Variants in SYTL3 observed in about 807,000 individuals in gnomAD.
The protein encoded by SYTL3 is synaptotagmin-like protein 3.
In SYTL3, 88 loss-of-function variants were observed where a neutral mutation model predicts 82.1. The observed-to-expected ratio is 1.07, with a 90% confidence interval of 0.90 to 1.28. The LOEUF is 1.28. Among genes scored for constraint, SYTL3 ranks in the 50% most tolerant of loss-of-function variants. The probability of loss-of-function intolerance (pLI) is 0.00; values close to 1 mark genes in which losing one functional copy is unlikely to be tolerated. For missense variants in SYTL3, 831 were observed against 757.6 expected (o/e 1.10, Z -1.14); for synonymous variants, 311 against 289.4 (o/e 1.07, Z -0.76).
chr6:158,740,411 T>A (rs567258385), intron 11 of SYTL3, among the ~76,000 whole-genome samples: 2 of 152,350 alleles, frequency 1.3e-5, no homozygotes, highest in Non-Finnish European at 2.9e-5. Context: ...TTTTCATATA[T>A]TTTCTTGACC....
chr6:158,675,791 C>T (rs1432665388), intron 5 of SYTL3, among the ~76,000 whole-genome samples: 2 of 152,092 alleles, frequency 1.3e-5, no homozygotes, highest in Admixed American at 1.3e-4. Flanking sequence ...ACTAAAAATA[C>T]AAAAATAAAT....
chr6:158,679,797 A>G (rs1055836815), intron 5 of SYTL3, among the ~76,000 whole-genome samples: 1 of 152,136 alleles, frequency 6.6e-6, no homozygotes, highest in East Asian at 1.9e-4. Context: ...ATGATTTGCA[A>G]TGTTCATTCA....
At chr6:158,746,628 G>A (rs1321173170) in intron 12 of SYTL3, among the ~76,000 whole-genome samples, 3 of 151,644 alleles carry the variant, frequency 2.0e-5, no homozygotes, top group Non-Finnish European at 2.9e-5. Context: ...ACCACGCCCA[G>A]CTAATTTTTG....
intron 14 of SYTL3, among the ~76,000 whole-genome samples, 158 bp from the exon 15 acceptor site, chr6:158,760,482 A>G (rs962854708): frequency 7.2e-5 from 11 of 152,042 alleles, no homozygotes; most frequent in African/African-American, 2.7e-4. Flanking sequence ...CCATAGATGG[A>G]AGGAAGACCA....
chr6:158,717,103 G>A (rs967650869), intron 9 of SYTL3, among the ~76,000 whole-genome samples: 1 of 152,074 alleles, frequency 6.6e-6, no homozygotes, highest in Non-Finnish European at 1.5e-5. Context: ...CCAACATGGT[G>A]AAACCATGGC....
intron 5 of SYTL3, among the ~76,000 whole-genome samples, chr6:158,667,002 T>C (rs1373950388): frequency 6.6e-6 from 1 of 152,230 alleles, no homozygotes; most frequent in East Asian, 1.9e-4. Context: ...AAAAAATAAT[T>C]ACTGTGAGCT....
intron 5 of SYTL3, among the ~76,000 whole-genome samples, chr6:158,669,549 A>G (rs1777130570): frequency 6.6e-6 from 1 of 152,246 alleles, no homozygotes; most frequent in South Asian, 2.1e-4. Context: ...CATCATTAGA[A>G]CAGAAGGTTT....
intron 6 of SYTL3, among the ~76,000 whole-genome samples, chr6:158,702,861 T>G (rs1191999989): frequency 6.6e-6 from 1 of 151,828 alleles, no homozygotes; most frequent in African/African-American, 2.4e-5. Flanking sequence ...GCTTTTCATT[T>G]ATAAAATTGG....
chr6:158,757,894 A>T (rs1789354972), intron 14 of SYTL3, among the ~76,000 whole-genome samples: 1 of 152,200 alleles, frequency 6.6e-6, no homozygotes, highest in Non-Finnish European at 1.5e-5. Flanking sequence ...GTGGGGCTCC[A>T]GCTCCTGGTT....
chr6:158,761,498 C>A (rs1236628163), intron 15 of SYTL3, among the ~76,000 whole-genome samples: 1 of 151,754 alleles, frequency 6.6e-6, no homozygotes, highest in East Asian at 1.9e-4. Flanking sequence ...TAAGTAGAGA[C>A]AGGGTTTCAC....
chr6:158,749,685 A>T (rs895979411), intron 12 of SYTL3, among the ~76,000 whole-genome samples: 1 of 151,888 alleles, frequency 6.6e-6, no homozygotes, highest in Non-Finnish European at 1.5e-5. Flanking sequence ...ATGAGGTCCC[A>T]CTATGTTGCC....
chr6:158,703,982 C>T (rs923700487), intron 6 of SYTL3, among the ~76,000 whole-genome samples: 16 of 151,688 alleles, frequency 1.1e-4, no homozygotes, highest in South Asian at 2.1e-4. Flanking sequence ...ACCTCATGCC[C>T]GGCTAGGCTA....
chr6:158,673,280 G>A (rs551283508), intron 5 of SYTL3, among the ~76,000 whole-genome samples: 1 of 151,440 alleles, frequency 6.6e-6, no homozygotes, highest in South Asian at 2.1e-4. Flanking sequence ...TATGTGTCTG[G>A]GAATGATGTT....
intron 13 of SYTL3, among the ~76,000 whole-genome samples, chr6:158,755,305 T>C (rs1443896877): frequency 2.0e-5 from 3 of 152,178 alleles, no homozygotes; most frequent in Non-Finnish European, 4.4e-5. Flanking sequence ...ATGGCACTGC[T>C]GCACTCCAGT....
chr6:158,761,194 C>T (rs970343620), intron 15 of SYTL3, among the ~76,000 whole-genome samples: 1 of 152,028 alleles, frequency 6.6e-6, no homozygotes, highest in Non-Finnish European at 1.5e-5. Flanking sequence ...GGAGGGTCCT[C>T]AGGGACCCTA....
chr6:158,763,560 T>TG, intron 17 of SYTL3, 51 bp downstream of exon 17: 1 of 1,503,476 alleles, frequency 6.7e-7, no homozygotes. Flanking sequence ...ATTATCCTAA[T>TG]GGGTACCGTG....
chr6:158,681,323 G>A (rs1238410166), intron 5 of SYTL3, among the ~76,000 whole-genome samples: 6 of 152,076 alleles, frequency 3.9e-5, no homozygotes, highest in Non-Finnish European at 7.4e-5. Context: ...TTAGCGTCTC[G>A]AGTGCCCTCT....
intron 6 of SYTL3, among the ~76,000 whole-genome samples, chr6:158,691,349 G>GAA (rs111779178): frequency 2.9e-4 from 41 of 139,152 alleles, no homozygotes; most frequent in African/African-American, 7.8e-4. Context: ...CATCTCAAAA[G>GAA]AAAAAAAAAA....
intron 2 of SYTL3, among the ~76,000 whole-genome samples, chr6:158,656,463 C>T (rs755871540): frequency 1.1e-4 from 16 of 152,204 alleles, no homozygotes; most frequent in Non-Finnish European, 1.9e-4. Context: ...CGATGGCTCA[C>T]GCCTGTAATC....
Sources: gnomAD v4.1 joint callset for allele counts (sites outside exome capture counted in the v4.1 genomes callset) on GRCh38, gnomAD v4.1.1 for gene constraint, MANE v1.5 for transcripts, NCBI Gene and HGNC (gene_info 2026-07-23, HGNC 2026-07-21) for gene names.